The following ZNF808 variants were observed in gnomAD, a reference collection of about 807,000 sequenced individuals.
ZNF808 encodes zinc finger protein 808.
In ZNF808, 5 loss-of-function variants were observed where a neutral mutation model predicts 8.7. The observed-to-expected ratio is 0.58, with a 90% confidence interval of 0.30 to 1.21. The LOEUF (loss-of-function observed/expected upper bound fraction) is 1.21, where lower values mean the gene tolerates loss of function less well. Among genes scored for constraint, ZNF808 ranks in the 50% most tolerant of loss-of-function variants. ZNF808 has a pLI of 0.07. For synonymous variants in ZNF808, 380 were observed against 366.0 expected (o/e 1.04, Z -0.44); for missense variants, 1,103 against 1,098.4 (o/e 1.00, Z -0.06).
intron 2 of ZNF808, among the ~76,000 whole-genome samples, chr19:52,534,455 T>A (rs1180973548): frequency 6.6e-6 from 1 of 152,236 alleles, no homozygotes; most frequent in Admixed American, 6.5e-5. Flanking sequence ...CTATTTCCCA[T>A]CACATTCTGG....
At chr19:52,546,943 CTTTT>C (rs1172936091) in intron 3 of ZNF808, among the ~76,000 whole-genome samples, 5 of 78,468 alleles carry the variant, frequency 6.4e-5, no homozygotes, top group Non-Finnish European at 1.3e-4. Context: ...CCTGGAATTG[CTTTT>C]TTTTTTTTTT....
intron 4 of ZNF808, among the ~76,000 whole-genome samples, chr19:52,549,967 G>A (rs936678006): frequency 2.0e-5 from 3 of 152,140 alleles, no homozygotes; most frequent in East Asian, 1.9e-4. Context: ...TGTCAGCAGC[G>A]CAGCTCAGCG....
intron 4 of ZNF808, among the ~76,000 whole-genome samples, chr19:52,551,321 C>T (rs1405375754): frequency 6.7e-6 from 1 of 148,866 alleles, no homozygotes; most frequent in Non-Finnish European, 1.5e-5. Context: ...CACTGCACTT[C>T]AGCCAAGGTG....
Position 52,554,469 on chromosome 19 carries a change from A to G in ZNF808, c.1553A>G (p.Asn518Ser), listed in dbSNP as rs144870963. ...CCTTACAAGTGTAATCAGTGTGGCAATACCTTCCGTCACCGGGCATCCCTT... is the reference window on the plus strand; with the variant it reads ...CCTTACAAGTGTAATCAGTGTGGCAGTACCTTCCGTCACCGGGCATCCCTT... ...EKPYKCNQCG[N>S]TFRHRASLVY... The change falls in exon 5 of 5, where the codon AAT becomes AGT. Residue 518 changes from asparagine (N) to serine (S), a missense_variant. Physicochemically the swap from Asn to Ser is conservative, Grantham distance 46 (BLOSUM62 1). Coordinates refer to ENST00000359798, the MANE Select transcript of ZNF808 (RefSeq NM_001039886.4). The G allele has an allele frequency of 2.0e-4, 325 of 1,614,160 alleles. No individual in the cohort carries two copies. The East Asian group carries it at 5.3e-3, about 26-fold the overall frequency.
downstream of ZNF808, among the ~76,000 whole-genome samples, chr19:52,560,210 C>T (rs955871122): frequency 2.0e-5 from 3 of 151,760 alleles, no homozygotes; most frequent in African/African-American, 7.3e-5. Context: ...ACTGTAATGC[C>T]AGCTACTCGG....
At position 52,532,230 on chromosome 19, in the gene ZNF808, AT is replaced by A. The variant is rs988813801; in HGVS notation, c.-121-665del. Among the ~76,000 whole-genome samples the A allele has an allele frequency of 6.1e-3, 892 of 145,562 alleles. 5 individuals are homozygous for A. Among genetic ancestry groups the A allele is most frequent in the African/African-American group, 0.018 (723 of 39,952 alleles). Reference sequence around the variant, plus strand: ...GTATTCAGAAAAAGGTTGTATTAACATTTTTTTTTTTTTGAGATGGAATCTC... The same window carrying A: ...GTATTCAGAAAAAGGTTGTATTAACATTTTTTTTTTTTGAGATGGAATCTC... On this transcript the variant is annotated intron_variant, in intron 1 of 4. Coordinates refer to ENST00000359798, the MANE Select transcript of ZNF808 (RefSeq NM_001039886.4).
chr19:52,529,383 A>G (rs1006549734), intron 1 of ZNF808, among the ~76,000 whole-genome samples: 4 of 152,164 alleles, frequency 2.6e-5, no homozygotes, highest in Admixed American at 2.6e-4. Flanking sequence ...TCTTGTCTCA[A>G]AAGAAAAAAT....
downstream of ZNF808, among the ~76,000 whole-genome samples, chr19:52,565,243 A>C (rs2059870259): frequency 6.6e-6 from 1 of 152,160 alleles, no homozygotes; most frequent in South Asian, 2.1e-4. Context: ...ACGCCAATGC[A>C]CACCAGCCTG....
chr19:52,535,374 C>CGAGG (rs1490014431), intron 2 of ZNF808, among the ~76,000 whole-genome samples: 1 of 147,156 alleles, frequency 6.8e-6, no homozygotes, highest in Non-Finnish European at 1.5e-5. Flanking sequence ...AGGAAAAGAG[C>CGAGG]GAGGGAGAGA....
At chr19:52,547,394 C>G (rs910297536) in intron 3 of ZNF808, 118 bp from the exon 4 acceptor site, 2 of 1,553,280 alleles carry the variant, frequency 1.3e-6, no homozygotes, top group Non-Finnish European at 1.7e-6. Context: ...CCTTAACATC[C>G]TTTTGTCAGA....
chr19:52,544,476 A>G (rs1187723019), intron 3 of ZNF808, among the ~76,000 whole-genome samples: 1 of 151,888 alleles, frequency 6.6e-6, no homozygotes, highest in Non-Finnish European at 1.5e-5. Context: ...GACTACAGGC[A>G]TGCACCACCA....
At chr19:52,568,099 T>C (rs769940549), downstream of ZNF808, among the ~76,000 whole-genome samples, 24 of 152,184 alleles carry the variant, frequency 1.6e-4, no homozygotes, top group Non-Finnish European at 2.5e-4. Context: ...TGGCCAGGCA[T>C]GCAGGCTCAG....
In ZNF808 at chr19:52,553,443, T is replaced by C; in HGVS notation, c.527T>C (p.Ile176Thr). The change falls in exon 5 of 5, where the codon ATT becomes ACT. Residue 176 changes from isoleucine (I) to threonine (T), a missense_variant. Ile to Thr is a moderately conservative substitution (Grantham distance 89, BLOSUM62 -1). Transcript: ENST00000359798. The part of the protein sequence containing the change: ...ELHIFQIKGE[I>T]ANQLEKSTSD... ...CACATATTTCAGATCAAAGGTGAAA[T>C]TGCTAATCAACTTGAGAAGTCTACC... The C allele has an allele frequency of 1.9e-6, 3 of 1,614,186 alleles. No homozygotes were observed. The highest frequency in any genetic ancestry group is 2.5e-6 in the Non-Finnish European group (3 of 1,180,034).
rs748280939 is a variant in ZNF808 at position 52,553,185 on chromosome 19, T to C, written c.269T>C (p.Leu90Ser). 6.0e-5 allele frequency: 97 copies of C among 1,613,276 alleles called. 3 individuals are homozygous for C. The South Asian group carries it at 9.2e-4, about 15-fold the overall frequency. ...GNREVIHTGTLQRHQSYHIGD... is the reference protein window; with the variant it reads ...GNREVIHTGTSQRHQSYHIGD... ...AGAGAAGTGATCCACACAGGGACAT[T>C]GCAAAGACATCAAAGTTATCACATT... Residue 90 changes from leucine (L) to serine (S), a missense_variant, in exon 5 of 5, where the codon TTG (leucine) becomes TCG (serine). Coordinates refer to ENST00000359798, the MANE Select transcript of ZNF808 (RefSeq NM_001039886.4).
At chr19:52,564,607 C>T (rs2059868183), downstream of ZNF808, 1 of 160,392 alleles carries the variant, frequency 6.2e-6, no homozygotes, top group African/African-American at 2.4e-5. Context: ...TCTTCCCTAA[C>T]CCAGTTCATG....
intron 1 of ZNF808, among the ~76,000 whole-genome samples, chr19:52,529,048 G>A (rs1464066926): frequency 3.3e-5 from 5 of 150,616 alleles, no homozygotes; most frequent in Non-Finnish European, 7.4e-5. Context: ...GAGAATGAGA[G>A]ATATGTACAG....
At chr19:52,534,248 G>A (rs978252029) in intron 2 of ZNF808, among the ~76,000 whole-genome samples, 5 of 152,106 alleles carry the variant, frequency 3.3e-5, no homozygotes, top group East Asian at 1.9e-4. Flanking sequence ...CCCCTCCCTC[G>A]GGATGAAGCT....
At chr19:52,549,962 G>A (rs371088922) in intron 4 of ZNF808, among the ~76,000 whole-genome samples, 1 of 152,146 alleles carries the variant, frequency 6.6e-6, no homozygotes, top group African/African-American at 2.4e-5. Flanking sequence ...ACCACTGTCA[G>A]CAGCGCAGCT....
At chr19:52,535,611 A>G (rs1194094473) in intron 2 of ZNF808, among the ~76,000 whole-genome samples, 5 of 152,178 alleles carry the variant, frequency 3.3e-5, no homozygotes, top group African/African-American at 4.8e-5. Context: ...GAAGTCTCTG[A>G]AGCTGAGCAC....
Sources: gnomAD v4.1 joint callset for allele counts (sites outside exome capture counted in the v4.1 genomes callset) on GRCh38, gnomAD v4.1.1 for gene constraint, MANE v1.5 for transcripts, NCBI Gene and HGNC (gene_info 2026-07-23, HGNC 2026-07-21) for gene names.